GPNMB: variants seen among roughly 807,000 people sequenced by gnomAD.
GPNMB encodes glycoprotein nmb, also known as transmembrane glycoprotein NMB.
GPNMB carries 71 observed loss-of-function variants against 57.3 expected under a neutral mutation model. The ratio of observed to expected loss-of-function variants is 1.24; its 90% confidence interval spans 1.02 to 1.51. GPNMB has a LOEUF of 1.51. Among genes scored for constraint, GPNMB ranks in the 40% most tolerant of loss-of-function variants. The pLI, the probability that GPNMB is intolerant of heterozygous loss-of-function variation, is 0.00. For synonymous variants in GPNMB, 253 were observed against 263.2 expected, an observed-to-expected ratio of 0.96 and a Z score of 0.38; for missense variants, 677 against 691.9, an observed-to-expected ratio of 0.98 and a Z score of 0.24.
intron 6 of GPNMB, among the ~76,000 whole-genome samples, chr7:23,263,385 G>C (rs1232700526): frequency 6.6e-6 from 1 of 152,054 alleles, no homozygotes; most frequent in Non-Finnish European, 1.5e-5. Flanking sequence ...GCCGAGGCAG[G>C]TGGATCACCT....
intron 6 of GPNMB, among the ~76,000 whole-genome samples, chr7:23,263,642 A>G (rs901686053): frequency 6.6e-6 from 1 of 151,666 alleles, no homozygotes; most frequent in Admixed American, 6.6e-5. Flanking sequence ...GATATAAACT[A>G]GCAACCCCTA....
At chr7:23,257,205 A>T in intron 4 of GPNMB, 140 bp downstream of exon 4, 1 of 756,360 alleles carries the variant, frequency 1.3e-6, no homozygotes. Context: ...GCATGAGTGA[A>T]CAGTGAGAGA....
chr7:23,261,979 C>T (rs1300782001), intron 6 of GPNMB, among the ~76,000 whole-genome samples: 1 of 152,086 alleles, frequency 6.6e-6, no homozygotes, highest in Admixed American at 6.5e-5. Context: ...CAGTTGCACT[C>T]AGCACCCCAG....
At chr7:23,251,962 T>G (rs1330810386) in intron 1 of GPNMB, among the ~76,000 whole-genome samples, 1 of 152,188 alleles carries the variant, frequency 6.6e-6, no homozygotes, top group African/African-American at 2.4e-5. Flanking sequence ...GCTACAATTC[T>G]CAAAAGAAAG....
intron 1 of GPNMB, among the ~76,000 whole-genome samples, chr7:23,248,496 A>C (rs927025064): frequency 1.7e-4 from 26 of 152,172 alleles, no homozygotes; most frequent in African/African-American, 6.0e-4. Context: ...TTCTGCCCAG[A>C]AAAAAATAAG....
intron 4 of GPNMB, among the ~76,000 whole-genome samples, chr7:23,259,435 G>A (rs1782859406): frequency 6.6e-6 from 1 of 152,066 alleles, no homozygotes; most frequent in Non-Finnish European, 1.5e-5. Flanking sequence ...GCCTGCCTCG[G>A]CCTCCCAAAA....
In GPNMB at chr7:23,263,051, C is replaced by G. The variant is rs148893429; in HGVS notation, c.1018+2278C>G. ...GAGAAGCAATTTTTTTTATCTACAA[C>G]TATTAATGATCTTCTTTACAAATAA... On this transcript the variant is annotated intron_variant, in intron 6 of 10. Coordinates refer to ENST00000258733, the MANE Select transcript of GPNMB (RefSeq NM_002510.3). Among the ~76,000 whole-genome samples the G allele has an allele frequency of 1.6e-3, 238 of 152,160 alleles. 1 individual carries two copies. Among genetic ancestry groups the G allele is most frequent in the African/African-American group, 5.5e-3 (227 of 41,498 alleles).
At chr7:23,272,236 A>T (rs898829064) in intron 9 of GPNMB, among the ~76,000 whole-genome samples, 1 of 152,196 alleles carries the variant, frequency 6.6e-6, no homozygotes, top group East Asian at 1.9e-4. Context: ...CTGATCTCTT[A>T]TGTGAATTAG....
Position 23,260,907 on chromosome 7 carries a change from T to C in GPNMB, c.1018+134T>C, listed in dbSNP as rs564377208. The C allele has an allele frequency of 1.1e-4, 72 of 634,780 alleles. No homozygotes were observed. The South Asian group carries it at 2.6e-3, about 23-fold the overall frequency. The allele number at this position is 634,780 out of a possible 1,614,324, so 39.3% of individuals were successfully genotyped here. On this transcript the variant is annotated intron_variant, in intron 6 of 10. Transcript: ENST00000258733. ...GGTGATTCCATTTTCTACCTGTTGA[T>C]TTTTTAAAGCAAAGTTATCACCATT...
At chr7:23,258,291 A>G (rs972114614) in intron 4 of GPNMB, among the ~76,000 whole-genome samples, 8 of 152,234 alleles carry the variant, frequency 5.3e-5, no homozygotes, top group Non-Finnish European at 1.2e-4. Context: ...TCTTCCTTCA[A>G]TTAACTTATT....
At chr7:23,270,714 C>CTT (rs1225146114) in intron 9 of GPNMB, among the ~76,000 whole-genome samples, 3 of 152,182 alleles carry the variant, frequency 2.0e-5, no homozygotes, top group African/African-American at 7.2e-5. Flanking sequence ...AAGAAACCAA[C>CTT]TTATTATTCC....
chr7:23,269,685 C>T (rs112915254), intron 8 of GPNMB, among the ~76,000 whole-genome samples: 5 of 152,190 alleles, frequency 3.3e-5, no homozygotes, highest in South Asian at 2.1e-4. Context: ...CTGGGCTTCA[C>T]GTGGTTTCCA....
chr7:23,259,889 C>T, intron 4 of GPNMB, 91 bp from the exon 5 acceptor site: 1 of 1,218,144 alleles, frequency 8.2e-7, no homozygotes. Flanking sequence ...TCAGAGCAAT[C>T]TATAAATGGT....
intron 8 of GPNMB, among the ~76,000 whole-genome samples, chr7:23,269,056 A>G (rs1255564404): frequency 1.3e-5 from 2 of 152,066 alleles, no homozygotes; most frequent in Non-Finnish European, 2.9e-5. Context: ...CTGATTTGTC[A>G]TCTGTTAAAC....
At chr7:23,255,853 C>T (rs1175857395) in intron 3 of GPNMB, among the ~76,000 whole-genome samples, 2 of 152,046 alleles carry the variant, frequency 1.3e-5, no homozygotes, top group African/African-American at 2.4e-5. Context: ...GGGATATCCA[C>T]CTCAAATATT....
chr7:23,256,271 C>A (rs1782776368), intron 3 of GPNMB, among the ~76,000 whole-genome samples: 1 of 152,178 alleles, frequency 6.6e-6, no homozygotes, highest in Admixed American at 6.5e-5. Flanking sequence ...CACCTAGATT[C>A]AACAATTTTA....
chr7:23,256,810 A>G (rs1203729257), intron 3 of GPNMB, 82 bp from the exon 4 acceptor site: 2 of 1,139,232 alleles, frequency 1.8e-6, no homozygotes, highest in African/African-American at 1.6e-5. Flanking sequence ...AAAATACGAA[A>G]AAGTGTTTAA....
chr7:23,270,253 C>T, intron 9 of GPNMB, 78 bp downstream of exon 9: 2 of 917,252 alleles, frequency 2.2e-6, no homozygotes, highest in East Asian at 2.5e-5. Flanking sequence ...CTATTTAGGC[C>T]TTTGTTTTCA....
At position 23,246,906 on chromosome 7, in the gene GPNMB, T is replaced by A. The variant is rs35519567; in HGVS notation, c.49T>A (p.Leu17Met). 1 of 1,613,666 alleles carries A rather than the reference T, an allele frequency of 6.2e-7. No homozygotes were observed. The highest frequency in any genetic ancestry group is 1.1e-5 in the South Asian group (1 of 91,058). ...FLGFLLLAAR[L>M]PLDAAKRFHD... Reference sequence around the variant, plus strand: ...GGGATTTCTGCTCCTGGCTGCAAGATTGCCACTTGATGCCGCCAAACGTGA... The same window carrying A: ...GGGATTTCTGCTCCTGGCTGCAAGAATGCCACTTGATGCCGCCAAACGTGA... The change falls in exon 1 of 11, where the codon TTG (leucine) becomes ATG (methionine). Residue 17 changes from leucine (L) to methionine (M), a missense_variant. Leu to Met is a conservative substitution (Grantham distance 15). Coordinates refer to ENST00000258733, the MANE Select transcript of GPNMB (RefSeq NM_002510.3).
Sources: allele counts gnomAD v4.1 joint callset (sites outside exome capture counted in the v4.1 genomes callset), GRCh38; gene constraint gnomAD v4.1.1; transcripts MANE v1.5; gene names NCBI Gene and HGNC (gene_info 2026-07-23, HGNC 2026-07-21).